Variants in SEZ6L observed in about 807,000 individuals in gnomAD.
The protein encoded by SEZ6L is seizure 6-like protein.
SEZ6L carries 37 observed loss-of-function variants against 106.2 expected under a neutral mutation model. The observed-to-expected ratio is 0.35, with a 90% CI of 0.27 to 0.46. SEZ6L has a LOEUF of 0.46. Among genes scored for constraint, SEZ6L ranks in the 20% least tolerant of loss-of-function variants. SEZ6L has a pLI of 1.00. For missense variants in SEZ6L, 1,172 were observed against 1,332.8 expected (o/e 0.88, Z 1.88); for synonymous variants, 541 against 570.4 (o/e 0.95, Z 0.73).
chr22:26,228,126 AG>A (rs1351932909), intron 1 of SEZ6L, among the ~76,000 whole-genome samples: 1 of 152,216 alleles, frequency 6.6e-6, no homozygotes, highest in Non-Finnish European at 1.5e-5. Context: ...CCACCAACAG[AG>A]GTGCAGAAAT....
rs149968977 is a variant in SEZ6L at position 26,365,544 on chromosome 22, C to T, written c.2772C>T (p.Asn924=). 5.3e-5 allele frequency: 85 copies of T among 1,613,836 alleles called. No individual in the cohort carries two copies. The highest frequency in any genetic ancestry group is 1.7e-4 in the Middle Eastern group (1 of 6,020). The change falls in exon 13 of 17, where the codon AAC becomes AAT. Residue 924 remains asparagine, a synonymous_variant. Coordinates refer to ENST00000248933, the MANE Select transcript of SEZ6L (RefSeq NM_021115.5). ...RCILGQPSHW[N]GPLPVCKVNQ... The stretch of plus-strand genomic sequence containing the variant: ...TCCTGGGACAGCCATCCCACTGGAA[C>T]GGGCCCCTGCCCGTGTGTAAAGGTA...
intron 1 of SEZ6L, among the ~76,000 whole-genome samples, chr22:26,278,800 G>GGAAGGAAGGAAGGGAGGGAGGAAA: frequency 6.8e-6 from 1 of 147,980 alleles, no homozygotes; most frequent in Admixed American, 6.8e-5. Context: ...AAGGGAGGGA[G>GGAAGGAAGGAAGGGAGGGAGGAAA]GAAGGAAGGA....
At chr22:26,333,524 G>A (rs1454596114) in intron 9 of SEZ6L, among the ~76,000 whole-genome samples, 1 of 150,818 alleles carries the variant, frequency 6.6e-6, no homozygotes, top group Non-Finnish European at 1.5e-5. Flanking sequence ...AGGGTCCTAG[G>A]TAGGAATTGG....
At chr22:26,322,641 G>A (rs2082188456) in intron 9 of SEZ6L, among the ~76,000 whole-genome samples, 1 of 152,180 alleles carries the variant, frequency 6.6e-6, no homozygotes, top group Non-Finnish European at 1.5e-5. Context: ...AAGCAGTGAT[G>A]ACAGTGACCA....
chr22:26,277,965 A>G (rs2080606821), intron 1 of SEZ6L, among the ~76,000 whole-genome samples: 1 of 152,252 alleles, frequency 6.6e-6, no homozygotes, highest in African/African-American at 2.4e-5. Flanking sequence ...ATAATAGCCT[A>G]TGAAAATGCT....
At chr22:26,197,902 A>G (rs1269749370) in intron 1 of SEZ6L, among the ~76,000 whole-genome samples, 2 of 152,080 alleles carry the variant, frequency 1.3e-5, no homozygotes, top group Non-Finnish European at 2.9e-5. Flanking sequence ...TAAATGGGCA[A>G]TCTGTGTAGC....
intron 13 of SEZ6L, among the ~76,000 whole-genome samples, chr22:26,369,088 T>G (rs1258672950): frequency 2.6e-5 from 4 of 152,078 alleles, no homozygotes; most frequent in Admixed American, 2.0e-4. Context: ...TAACAAGCTC[T>G]CAAATGCACT....
At chr22:26,183,411 G>A (rs1445108906) in intron 1 of SEZ6L, among the ~76,000 whole-genome samples, 1 of 152,086 alleles carries the variant, frequency 6.6e-6, no homozygotes, top group Non-Finnish European at 1.5e-5. Context: ...ATGACTTCCG[G>A]GCAGGGGGCA....
intron 9 of SEZ6L, among the ~76,000 whole-genome samples, chr22:26,327,207 T>C (rs2082332842): frequency 6.9e-6 from 1 of 144,258 alleles, no homozygotes; most frequent in Admixed American, 7.1e-5. Flanking sequence ...TGTGTGGCAG[T>C]ATATACCACA....
At chr22:26,321,439 GA>G (rs1227780156) in intron 9 of SEZ6L, among the ~76,000 whole-genome samples, 2 of 152,346 alleles carry the variant, frequency 1.3e-5, no homozygotes, top group East Asian at 3.9e-4. Flanking sequence ...TGGGCAGCAG[GA>G]AAAGGGTTTA....
intron 9 of SEZ6L, among the ~76,000 whole-genome samples, chr22:26,325,861 C>T (rs556934186): frequency 3.3e-5 from 5 of 152,104 alleles, no homozygotes; most frequent in South Asian, 2.1e-4. Context: ...GCTGTGATGA[C>T]GATTAATCCC....
chr22:26,202,260 T>C (rs1264031434), intron 1 of SEZ6L, among the ~76,000 whole-genome samples: 2 of 152,180 alleles, frequency 1.3e-5, no homozygotes, highest in African/African-American at 4.8e-5. Context: ...TATCTGCACA[T>C]ACATTCCTTT....
chr22:26,322,346 C>T (rs1028314673), intron 9 of SEZ6L, among the ~76,000 whole-genome samples: 3 of 152,154 alleles, frequency 2.0e-5, no homozygotes, highest in South Asian at 2.1e-4. Flanking sequence ...GAACAGCTTT[C>T]GGGGCACCAG....
chr22:26,311,768 C>T lies in SEZ6L; in HGVS notation c.1682C>T (p.Ala561Val), dbSNP rs143554731. ...AASTFNIRFE[A>V]FEKGHCYEPY... Reference sequence around the variant, plus strand: ...TGCTGCCTCTCTTTCCCTTCCTCAGCGTTTGAGAAAGGCCACTGCTATGAG... The same window carrying T: ...TGCTGCCTCTCTTTCCCTTCCTCAGTGTTTGAGAAAGGCCACTGCTATGAG... The change falls in exon 8 of 17, where the codon GCG becomes GTG. Residue 561 changes from alanine to valine, a missense_variant and splice_region_variant. This residue lies in a region of SEZ6L where 534 missense variants were observed against 691.0 expected (regional missense o/e 0.77). Coordinates refer to ENST00000248933, the MANE Select transcript of SEZ6L (RefSeq NM_021115.5). The T allele has an allele frequency of 2.5e-6, 4 of 1,613,150 alleles. No individual in the cohort carries two copies. The highest frequency in any genetic ancestry group is 3.3e-5 in the Admixed American group (2 of 60,010).
intron 9 of SEZ6L, among the ~76,000 whole-genome samples, chr22:26,337,353 A>G (rs2082678076): frequency 6.6e-6 from 1 of 152,218 alleles, no homozygotes. Flanking sequence ...TTTAAGTGAA[A>G]GAATAAAGCC....
At chr22:26,264,183 T>C (rs2080104171) in intron 1 of SEZ6L, among the ~76,000 whole-genome samples, 1 of 152,232 alleles carries the variant, frequency 6.6e-6, no homozygotes, top group African/African-American at 2.4e-5. Flanking sequence ...CTTGGCAGAT[T>C]CTGAGGCTGC....
intron 9 of SEZ6L, among the ~76,000 whole-genome samples, chr22:26,338,867 C>CTTTTTTTTTTTTTTTTTTTTTT (rs71192914): frequency 6.9e-5 from 6 of 87,468 alleles, no homozygotes; most frequent in Non-Finnish European, 1.0e-4. Flanking sequence ...TTTTTTTTTT[C>CTTTTTTTTTTTTTTTTTTTTTT]TTTTTTTTTT....
chr22:26,302,748 G>A (rs753829679), intron 5 of SEZ6L, among the ~76,000 whole-genome samples: 7 of 152,286 alleles, frequency 4.6e-5, no homozygotes, highest in Non-Finnish European at 8.8e-5. Context: ...GAGGAATTAA[G>A]CTTCCATTTG....
At chr22:26,288,232 C>CAAAAA (rs1215176543) in intron 1 of SEZ6L, among the ~76,000 whole-genome samples, 2 of 152,306 alleles carry the variant, frequency 1.3e-5, no homozygotes, top group East Asian at 3.9e-4. Context: ...ACTTGGAAGA[C>CAAAAA]AAAACAGATG....
Sources: gnomAD v4.1 joint callset for allele counts (sites outside exome capture counted in the v4.1 genomes callset) on GRCh38, gnomAD v4.1.1 for gene constraint, gnomAD v4.1.1 regional missense constraint, MANE v1.5 for transcripts, NCBI Gene and HGNC (gene_info 2026-07-23, HGNC 2026-07-21) for gene names.